Variants in MTO1 observed in about 807,000 individuals in gnomAD.
MTO1 encodes the protein mitochondrial tRNA translation optimization 1.
MTO1 carries 46 observed loss-of-function variants against 71.6 expected under a neutral mutation model. That is an observed-to-expected ratio of 0.64 (90% confidence interval 0.51 to 0.82). The LOEUF (loss-of-function observed/expected upper bound fraction) is 0.82. MTO1 is among the 40% of genes least tolerant of loss of function. The pLI is 0.00. For missense variants in MTO1, 773 were observed against 867.5 expected (o/e 0.89, Z 1.37); for synonymous variants, 297 against 312.1 (o/e 0.95, Z 0.51).
At chr6:73,495,772 C>T (rs1771962790) in intron 10 of MTO1, among the ~76,000 whole-genome samples, 1 of 152,126 alleles carries the variant, frequency 6.6e-6, no homozygotes, top group African/African-American at 2.4e-5. Flanking sequence ...TCATATATTT[C>T]ATGATACCTT....
At position 73,466,555 on chromosome 6, in the gene MTO1, G is replaced by A. The variant is rs1472050075; in HGVS notation, c.484G>A (p.Glu162Lys). The A allele has an allele frequency of 6.2e-7, 1 of 1,614,154 alleles. No individual in the cohort carries two copies. The change falls in exon 3 of 12, where the codon GAA becomes AAA. Residue 162 changes from glutamate (E) to lysine (K), a missense_variant. Glu to Lys is a moderately conservative substitution (Grantham distance 56, BLOSUM62 1). Transcript: ENST00000498286. ...AGCTGTAGAAGATCTTATTCTTACA[G>A]AACCAGAGCCTGAACACACTGGGAA... Reference protein sequence around the residue: ...EGAVEDLILTEPEPEHTGKCR... With the variant: ...EGAVEDLILTKPEPEHTGKCR...
intron 10 of MTO1, among the ~76,000 whole-genome samples, chr6:73,493,258 T>C (rs995193577): frequency 1.3e-5 from 2 of 151,078 alleles, no homozygotes; most frequent in South Asian, 2.1e-4. Context: ...CCTCCCAAAG[T>C]GCCAGGGATT....
At chr6:73,492,142 C>A in intron 9 of MTO1, 92 bp from the exon 10 acceptor site, 1 of 789,188 alleles carries the variant, frequency 1.3e-6, no homozygotes, top group Non-Finnish European at 2.1e-6. Context: ...GGTATTTATT[C>A]TGAGATCTGA....
intron 10 of MTO1, among the ~76,000 whole-genome samples, chr6:73,494,828 G>A (rs1276390072): frequency 2.0e-5 from 3 of 148,266 alleles, no homozygotes; most frequent in Non-Finnish European, 4.4e-5. Context: ...CGCCCAGGCT[G>A]GAGTGCAGTG....
chr6:73,471,550 G>A (rs1771162643), intron 3 of MTO1: 2 of 393,806 alleles, frequency 5.1e-6, no homozygotes, highest in Non-Finnish European at 9.9e-6. Flanking sequence ...GTGTAGCTGG[G>A]ACCACAGGCA....
intron 9 of MTO1, among the ~76,000 whole-genome samples, chr6:73,483,638 A>G (rs1455169314): frequency 6.6e-6 from 1 of 151,828 alleles, no homozygotes; most frequent in African/African-American, 2.4e-5. Flanking sequence ...TTTTTTTGAG[A>G]TGGAGTTTCA....
At chr6:73,491,097 G>T (rs1771788914) in intron 9 of MTO1, among the ~76,000 whole-genome samples, 1 of 152,156 alleles carries the variant, frequency 6.6e-6, no homozygotes, top group African/African-American at 2.4e-5. Context: ...GGGAATTTTA[G>T]TAATTGTCCC....
intron 11 of MTO1, 92 bp downstream of exon 11, chr6:73,497,988 T>TA: frequency 9.0e-7 from 1 of 1,107,090 alleles, no homozygotes. Context: ...GCCATATAAC[T>TA]AATGTTTTAT....
rs1234020094 is a variant in MTO1, at chr6:73,485,441, C to CTTT, written c.1637+2834_1637+2836dup. ...TCTACCACTTAGCCTTTCTTTCTTTCTTTTTTTTTTTTTTTGAGACGGAGT... is the reference window on the plus strand; with the variant it reads ...TCTACCACTTAGCCTTTCTTTCTTTCTTTTTTTTTTTTTTTTTTGAGACGGAGT... On this transcript the variant is annotated intron_variant, in intron 9 of 11. Coordinates refer to ENST00000498286, the MANE Select transcript of MTO1 (RefSeq NM_012123.4). Among the ~76,000 whole-genome samples, 1,234 of 142,108 alleles carry CTTT rather than the reference C, an allele frequency of 8.7e-3. 19 individuals carry two copies. The highest frequency in any genetic ancestry group is 0.025 in the African/African-American group (972 of 38,696). The allele number at this position is 142,108 out of a possible 152,430, so 93.2% of individuals were successfully genotyped here. A position where few individuals can be genotyped will look rare whatever the true frequency, so the allele number is the denominator to read the frequency against.
chr6:73,474,822 C>T (rs1229410885), intron 4 of MTO1, among the ~76,000 whole-genome samples: 2 of 151,408 alleles, frequency 1.3e-5, no homozygotes, highest in Non-Finnish European at 2.9e-5. Context: ...ATGGCGCAAT[C>T]TCGGCTTACT....
In MTO1 at chr6:73,497,884, T is replaced by TTTCTTAC. The variant is rs771555799; in HGVS notation, c.1905_1906insTTCTTAC (p.Arg636PhefsTer11). ...AAGTTCGAGAGAAACTACATTTTAG[T>TTTCTTAC]CGTCCACAGACGGTAAGAAAATAGG... On this transcript the variant is annotated frameshift_variant, in exon 11 of 12. Transcript: ENST00000498286. LOFTEE classifies it high-confidence loss of function. 1 of 1,611,920 alleles carries TTTCTTAC rather than the reference T, an allele frequency of 6.2e-7. No homozygotes were observed. Among genetic ancestry groups the TTTCTTAC allele is most frequent in the East Asian group, 2.2e-5 (1 of 44,822 alleles).
At chr6:73,476,949 G>C (rs1323638271) in intron 4 of MTO1, among the ~76,000 whole-genome samples, 22 of 151,920 alleles carry the variant, frequency 1.4e-4, no homozygotes, top group Admixed American at 1.4e-3. Context: ...CAACACGCCT[G>C]ACTAATTTTT....
chr6:73,474,752 C>CT (rs201584579), intron 4 of MTO1, among the ~76,000 whole-genome samples: 49 of 146,076 alleles, frequency 3.4e-4, no homozygotes, highest in Admixed American at 3.4e-4. Context: ...CTGCACCCGA[C>CT]TTTTTTTTTT....
At chr6:73,469,896 T>A (rs925724856) in intron 3 of MTO1, among the ~76,000 whole-genome samples, 9 of 151,838 alleles carry the variant, frequency 5.9e-5, no homozygotes, top group South Asian at 2.1e-4. Context: ...TCCTAGCCAC[T>A]CGGGAGGCTG....
At position 73,507,379 on chromosome 6, in the gene MTO1, GA is replaced by G. The variant is rs1772317584; in HGVS notation, c.*6650del. On this transcript the variant is annotated 3_prime_UTR_variant, in exon 12 of 12. Coordinates refer to ENST00000498286, the MANE Select transcript of MTO1 (RefSeq NM_012123.4). ...TATTGTGGATCACAGTCAAAAGTTT[GA>G]AAAAACACAATCTGTTTGAACAGCA... 1 of 152,084 alleles carries G rather than the reference GA, an allele frequency of 6.6e-6. No individual in the cohort carries two copies. The highest frequency in any genetic ancestry group is 6.5e-5 in the Admixed American group (1 of 15,282). 9.4% of individuals were successfully genotyped at this position (152,084 alleles called of 1,614,324 possible). A position where few individuals can be genotyped will look rare whatever the true frequency, so the allele number is the denominator to read the frequency against.
intron 9 of MTO1, chr6:73,486,705 C>T (rs1432959771): frequency 1.9e-5 from 6 of 319,012 alleles, no homozygotes; most frequent in Non-Finnish European, 3.2e-5. Context: ...GCCATTGCAC[C>T]CAAACCTGAG....
intron 3 of MTO1, 127 bp from the exon 4 acceptor site, chr6:73,473,238 C>A: frequency 9.8e-7 from 1 of 1,023,474 alleles, no homozygotes; most frequent in Non-Finnish European, 1.4e-6. Context: ...GACATTGCAC[C>A]ACTGCCCTCC....
chr6:73,492,241 G>A lies in MTO1; in HGVS notation c.1645G>A (p.Asp549Asn), dbSNP rs754116708. The A allele has an allele frequency of 1.9e-6, 3 of 1,608,774 alleles. No individual in the cohort carries two copies. Among genetic ancestry groups the A allele is most frequent in the African/African-American group, 1.3e-5 (1 of 74,908 alleles). ...ACTTTCATATATTTGCAGAGCTCTC[G>A]ATGTTCTGAAGTATGAGGAAGTTGA... ...TSRSLPVRAL[D>N]VLKYEEVDMD... The change falls in exon 10 of 12, where the codon GAT becomes AAT. Residue 549 changes from aspartate to asparagine, a missense_variant. By Grantham distance (23) the Asp-to-Asn change is conservative (BLOSUM62 1). Coordinates refer to ENST00000498286, the MANE Select transcript of MTO1 (RefSeq NM_012123.4).
At position 73,502,928 on chromosome 6, in the gene MTO1, TTTTGGGAGGTTCTTGACAGCTACAA is replaced by T. The variant is rs1772200886; in HGVS notation, c.*2200_*2224del. 6.6e-6 allele frequency: 1 copy of T among 151,714 alleles called. No homozygotes were observed. Among genetic ancestry groups the T allele is most frequent in the South Asian group, 2.1e-4 (1 of 4,824 alleles). 9.4% of individuals were successfully genotyped at this position (151,714 alleles called of 1,614,324 possible). On this transcript the variant is annotated 3_prime_UTR_variant, in exon 12 of 12. Transcript: ENST00000498286. ...AAAAAAGAAACAGGAAGTTCAAATA[TTTTGGGAGGTTCTTGACAGCTACAA>T]TTTGGGGCTAGTGACACTATACACA...
Sources: allele counts gnomAD v4.1 joint callset (sites outside exome capture counted in the v4.1 genomes callset), GRCh38; gene constraint gnomAD v4.1.1; transcripts MANE v1.5; gene names NCBI Gene and HGNC (gene_info 2026-07-23, HGNC 2026-07-21).